Variants in OSBPL6 observed in about 807,000 individuals in gnomAD.
OSBPL6 encodes the protein oxysterol binding protein like 6.
A neutral mutation model predicts 125.8 loss-of-function variants in OSBPL6; 49 were observed. That is an observed-to-expected ratio of 0.39 (90% CI 0.31 to 0.49). OSBPL6 has a LOEUF of 0.49. Ranked by LOEUF, OSBPL6 falls within the 20% of genes least tolerant of loss-of-function variation. The probability of loss-of-function intolerance (pLI) is 0.88; values close to 1 mark genes in which losing one functional copy is unlikely to be tolerated. For synonymous variants in OSBPL6, 394 were observed against 391.8 expected (o/e 1.01, Z -0.07); for missense variants, 986 against 1,135.4 (o/e 0.87, Z 1.89).
intron 3 of OSBPL6, among the ~76,000 whole-genome samples, chr2:178,320,956 G>A (rs1281477840): frequency 2.0e-5 from 3 of 152,078 alleles, no homozygotes; most frequent in South Asian, 2.1e-4. Flanking sequence ...TCAAGAGATC[G>A]AGACCATCCT....
chr2:178,288,363 G>C (rs545687462), intron 2 of OSBPL6, among the ~76,000 whole-genome samples: 20 of 152,278 alleles, frequency 1.3e-4, no homozygotes, highest in African/African-American at 4.6e-4. Context: ...GGAAACAAAG[G>C]AGGGACAAGA....
chr2:178,367,725 T>C (rs894546090), intron 13 of OSBPL6, among the ~76,000 whole-genome samples: 21 of 152,238 alleles, frequency 1.4e-4, no homozygotes, highest in African/African-American at 5.1e-4. Context: ...CCTTGAAATG[T>C]GCATAAGGGA....
At chr2:178,224,107 T>C (rs2090452928) in intron 1 of OSBPL6, among the ~76,000 whole-genome samples, 1 of 151,972 alleles carries the variant, frequency 6.6e-6, no homozygotes, top group Non-Finnish European at 1.5e-5. Context: ...GGACACTTGG[T>C]TAATATTGGG....
At chr2:178,340,508 T>C (rs113454869) in intron 11 of OSBPL6, among the ~76,000 whole-genome samples, 8,179 of 152,164 alleles carry the variant, frequency 0.054, 293 homozygotes, top group Middle Eastern at 0.11. Context: ...GATCCTTTTA[T>C]ATTATTGTGT....
At chr2:178,309,187 C>T (rs1687041139) in intron 3 of OSBPL6, among the ~76,000 whole-genome samples, 1 of 152,066 alleles carries the variant, frequency 6.6e-6, no homozygotes. Context: ...GCCACGCAAA[C>T]CCACTTTACC....
At position 178,400,711 on chromosome 2, in the gene OSBPL6, T is replaced by A. The variant is rs1250373989; in HGVS notation, c.*5152T>A. On this transcript the variant is annotated 3_prime_UTR_variant, in exon 25 of 25. Transcript: ENST00000190611. ...TGACATAATCAAAATAGTGAACATA[T>A]CTATCATCCCCAAAAGTTTCCCCTG... 4 of 152,244 alleles carry A rather than the reference T, an allele frequency of 2.6e-5. No individual in the cohort carries two copies. Among genetic ancestry groups the A allele is most frequent in the Non-Finnish European group, 4.4e-5 (3 of 68,050 alleles). The allele number at this position is 152,244 out of a possible 1,614,324, so 9.4% of individuals were successfully genotyped here. A position where few individuals can be genotyped will look rare whatever the true frequency, so the allele number is the denominator to read the frequency against.
intron 1 of OSBPL6, among the ~76,000 whole-genome samples, chr2:178,201,797 A>G (rs2089272656): frequency 6.6e-6 from 1 of 152,240 alleles, no homozygotes; most frequent in Non-Finnish European, 1.5e-5. Context: ...TGTAGAAAAA[A>G]TACTGACAGG....
At chr2:178,239,827 C>T (rs2091216953) in intron 1 of OSBPL6, among the ~76,000 whole-genome samples, 1 of 151,538 alleles carries the variant, frequency 6.6e-6, no homozygotes, top group Non-Finnish European at 1.5e-5. Flanking sequence ...TGGGGTTTCA[C>T]TGTGTTAGTC....
At chr2:178,304,843 A>G (rs959674686) in intron 2 of OSBPL6, among the ~76,000 whole-genome samples, 1 of 152,160 alleles carries the variant, frequency 6.6e-6, no homozygotes, top group South Asian at 2.1e-4. Context: ...TCTGTTGATC[A>G]TGTCACGCCA....
In OSBPL6 at chr2:178,391,187, G is replaced by A. The variant is rs200223014; in HGVS notation, c.2416G>A (p.Ala806Thr). ...KWHEGLYCGV[A>T]PSAKCIWRPG... is the part of the protein sequence containing the mutation. ...GCATGAAGGACTCTACTGTGGTGTG[G>A]CCCCCTCTGCAAAGTGCATTTGGAG... is the stretch of plus-strand genomic sequence containing the variant. Residue 806 changes from alanine (A) to threonine (T), a missense_variant, in exon 22 of 25, where the codon GCC becomes ACC. Coordinates refer to ENST00000190611, the MANE Select transcript of OSBPL6 (RefSeq NM_032523.4). 5 of 1,611,070 alleles carry A rather than the reference G, an allele frequency of 3.1e-6. No homozygotes were observed. In the South Asian group the frequency reaches 5.5e-5, roughly 18 times the overall value.
At chr2:178,379,943 C>T (rs988459983) in intron 15 of OSBPL6, among the ~76,000 whole-genome samples, 3 of 152,140 alleles carry the variant, frequency 2.0e-5, no homozygotes, top group Non-Finnish European at 2.9e-5. Context: ...TCTTCTCAAC[C>T]CTAATTTTTA....
intron 14 of OSBPL6, among the ~76,000 whole-genome samples, chr2:178,373,060 C>T (rs952023635): frequency 6.6e-6 from 1 of 152,096 alleles, no homozygotes; most frequent in Admixed American, 6.6e-5. Flanking sequence ...GTACCAAAAA[C>T]ATACATTTTA....
chr2:178,291,828 T>TCCA (rs61094857), intron 2 of OSBPL6, among the ~76,000 whole-genome samples: 48,603 of 144,942 alleles, frequency 0.34, 8,873 homozygotes, highest in East Asian at 0.59. Context: ...CATCCATCCA[T>TCCA]TCATCCTTGA....
chr2:178,241,373 A>G (rs998466753), intron 1 of OSBPL6, among the ~76,000 whole-genome samples: 5 of 150,368 alleles, frequency 3.3e-5, no homozygotes, highest in African/African-American at 1.2e-4. Flanking sequence ...CGGCCTCCCA[A>G]AGTGATGGGA....
intron 20 of OSBPL6, among the ~76,000 whole-genome samples, chr2:178,387,848 CA>C (rs1222432268): frequency 1.3e-5 from 2 of 151,764 alleles, no homozygotes; most frequent in African/African-American, 4.8e-5. Flanking sequence ...ACTAAAAATA[CA>C]AAAAATTAGC....
rs753225308 is a variant in OSBPL6, at chr2:178,339,037, G to A, written c.837G>A (p.Leu279=). The change falls in exon 10 of 25, where the codon CTG becomes CTA. Residue 279 remains leucine (L), a synonymous_variant. Transcript: ENST00000190611. Reference sequence around the variant, plus strand: ...ACCTTGTGGAACTTAGCAAACTCCTGCAAAATTTGGAAATACTTCAGAGAA... The same window carrying A: ...ACCTTGTGGAACTTAGCAAACTCCTACAAAATTTGGAAATACTTCAGAGAA... ...QSNLVELSKL[L]QNLEILQRTQ... 6.2e-7 allele frequency: 1 copy of A among 1,613,314 alleles called. No homozygotes were observed. Among genetic ancestry groups the A allele is most frequent in the South Asian group, 1.1e-5 (1 of 90,974 alleles).
At chr2:178,258,332 G>A (rs1306641822) in intron 1 of OSBPL6, among the ~76,000 whole-genome samples, 1 of 152,136 alleles carries the variant, frequency 6.6e-6, no homozygotes, top group East Asian at 1.9e-4. Flanking sequence ...CTGGCCTCAA[G>A]CGATCGGCCC....
intron 11 of OSBPL6, among the ~76,000 whole-genome samples, chr2:178,345,989 GA>G (rs1690674024): frequency 6.6e-6 from 1 of 152,094 alleles, no homozygotes; most frequent in African/African-American, 2.4e-5. Context: ...GAAGTTACGA[GA>G]AAAACTTTGC....
At chr2:178,266,893 A>C (rs1016528223) in intron 1 of OSBPL6, among the ~76,000 whole-genome samples, 3 of 152,064 alleles carry the variant, frequency 2.0e-5, no homozygotes, top group Non-Finnish European at 4.4e-5. Context: ...AGTTGCACTT[A>C]AAAAAATACT....
Sources: allele counts gnomAD v4.1 joint callset (sites outside exome capture counted in the v4.1 genomes callset), GRCh38; gene constraint gnomAD v4.1.1; transcripts MANE v1.5; gene names NCBI Gene and HGNC (gene_info 2026-07-23, HGNC 2026-07-21).